Variants in SPATS2 observed in about 807,000 individuals in gnomAD.
The protein encoded by SPATS2 is spermatogenesis-associated serine-rich protein 2.
Under a neutral mutation model 63.7 loss-of-function variants are expected in SPATS2, and 38 were observed. The observed-to-expected ratio is 0.60, with a 90% CI of 0.46 to 0.78. The LOEUF is 0.78. Among genes scored for constraint, SPATS2 ranks in the 30% least tolerant of loss-of-function variants. The probability of loss-of-function intolerance (pLI) is 0.00; values close to 1 mark genes in which losing one functional copy is unlikely to be tolerated. For synonymous variants in SPATS2, 207 were observed against 232.9 expected (o/e 0.89, Z 1.01); for missense variants, 588 against 666.2 (o/e 0.88, Z 1.29).
chr12:49,520,782 T>C (rs1946928716), intron 11 of SPATS2, among the ~76,000 whole-genome samples: 1 of 151,872 alleles, frequency 6.6e-6, no homozygotes, highest in Non-Finnish European at 1.5e-5. Flanking sequence ...GCAGTGGCGC[T>C]GTCGCCACTC....
chr12:49,470,364 A>G (rs1010865131), intron 3 of SPATS2, among the ~76,000 whole-genome samples: 2 of 152,038 alleles, frequency 1.3e-5, no homozygotes, highest in Non-Finnish European at 2.9e-5. Flanking sequence ...ATTTTTTTCT[A>G]TGTGAAATAG....
In SPATS2 at chr12:49,526,775, T is replaced by C. The variant is rs985810916; in HGVS notation, c.*520T>C. On this transcript the variant is annotated 3_prime_UTR_variant, in exon 14 of 14. Transcript: ENST00000552918. ...TTGAGAACCTGCCTCTATCCCAGAA[T>C]GTGCTGGAGATTTGACACTCAAATC... 3 of 154,044 alleles carry C rather than the reference T, an allele frequency of 1.9e-5. No homozygotes were observed. The highest frequency in any genetic ancestry group is 6.4e-5 in the Admixed American group (1 of 15,510). 9.5% of individuals were successfully genotyped at this position (154,044 alleles called of 1,614,324 possible).
At chr12:49,467,596 G>T (rs939317322) in intron 3 of SPATS2, among the ~76,000 whole-genome samples, 1 of 152,134 alleles carries the variant, frequency 6.6e-6, no homozygotes, top group Non-Finnish European at 1.5e-5. Flanking sequence ...TCCTGATTTT[G>T]TCAGATGATA....
chr12:49,378,165 G>GT (rs1199773388), intron 2 of SPATS2, among the ~76,000 whole-genome samples: 1 of 151,974 alleles, frequency 6.6e-6, no homozygotes. Context: ...TAGAGATGGG[G>GT]TTTCACCATG....
rs760281633 is a variant in SPATS2, at chr12:49,418,108, G to GTTTTTTTT, written c.-243-42645_-243-42638dup. 2.9e-3 allele frequency among the ~76,000 whole-genome samples: 224 copies of GTTTTTTTT among 76,048 alleles called. 12 individuals are homozygous for GTTTTTTTT. The highest frequency in any genetic ancestry group is 0.028 in the Middle Eastern group (2 of 72). The allele number at this position is 76,048 out of a possible 152,430, so 49.9% of individuals were successfully genotyped here. On this transcript the variant is annotated intron_variant, in intron 2 of 13. Coordinates refer to ENST00000552918, the MANE Select transcript of SPATS2 (RefSeq NM_023071.4). ...TGTAGCTTTCATTTTAAATGACTCAGTTTTTTTTTTTTTTTTTTTTTTTTG... is the reference window on the plus strand; with the variant it reads ...TGTAGCTTTCATTTTAAATGACTCAGTTTTTTTTTTTTTTTTTTTTTTTTTTTTTTTTG...
At chr12:49,512,207 A>G (rs1387019367) in intron 9 of SPATS2, among the ~76,000 whole-genome samples, 1 of 152,228 alleles carries the variant, frequency 6.6e-6, no homozygotes, top group East Asian at 1.9e-4. Context: ...TCTCTGAGAA[A>G]TATATCAGCA....
chr12:49,456,924 T>C (rs183218356), intron 2 of SPATS2, among the ~76,000 whole-genome samples: 10 of 152,316 alleles, frequency 6.6e-5, no homozygotes, highest in Admixed American at 4.6e-4. Flanking sequence ...GTTTTCTCTG[T>C]TTTTTCTTCT....
chr12:49,452,660 C>T (rs1028929773), intron 2 of SPATS2, among the ~76,000 whole-genome samples: 35 of 152,158 alleles, frequency 2.3e-4, no homozygotes, highest in African/African-American at 7.9e-4. Context: ...TGATTTTTTT[C>T]TTCCACTCTA....
chr12:49,499,046 A>G (rs1378015447), intron 8 of SPATS2, among the ~76,000 whole-genome samples: 1 of 152,122 alleles, frequency 6.6e-6, no homozygotes, highest in Non-Finnish European at 1.5e-5. Flanking sequence ...TTGGCCTCCC[A>G]AAGTGCTGGG....
chr12:49,367,689 G>A (rs1246481522), intron 1 of SPATS2, 102 bp downstream of exon 1: 9 of 282,710 alleles, frequency 3.2e-5, no homozygotes, highest in Non-Finnish European at 3.9e-5. Context: ...GGGTAGTTGG[G>A]GGCGGGGGGA....
At chr12:49,371,053 A>C (rs917558151) in intron 1 of SPATS2, among the ~76,000 whole-genome samples, 175 bp from the exon 2 acceptor site, 2 of 152,234 alleles carry the variant, frequency 1.3e-5, no homozygotes, top group African/African-American at 4.8e-5. Context: ...TAAACTATAC[A>C]TAACAAAAAA....
rs969729742 is a variant in SPATS2 at position 49,480,354 on chromosome 12, G to C, written c.26-4236G>C. 3.9e-5 allele frequency among the ~76,000 whole-genome samples: 6 copies of C among 152,286 alleles called. No individual in the cohort carries two copies. The East Asian group carries it at 1.2e-3, about 29-fold the overall frequency. On this transcript the variant is annotated intron_variant, in intron 3 of 13. Coordinates refer to ENST00000552918, the MANE Select transcript of SPATS2 (RefSeq NM_023071.4). ...CCATACCTCTTTAGATAGCACCCAAGGTGGTAGAGCTTTTAATAATTTTCA... is the reference window on the plus strand; with the variant it reads ...CCATACCTCTTTAGATAGCACCCAACGTGGTAGAGCTTTTAATAATTTTCA...
At chr12:49,452,126 C>T (rs1450318976) in intron 2 of SPATS2, among the ~76,000 whole-genome samples, 1 of 152,048 alleles carries the variant, frequency 6.6e-6, no homozygotes, top group African/African-American at 2.4e-5. Flanking sequence ...ATTGAGCTTC[C>T]TGACTCTGTA....
chr12:49,465,006 T>C (rs1430043171), intron 3 of SPATS2, among the ~76,000 whole-genome samples: 1 of 152,252 alleles, frequency 6.6e-6, no homozygotes, highest in Admixed American at 6.5e-5. Flanking sequence ...TGGCTTCTTT[T>C]CACTTAGTGT....
At chr12:49,457,384 T>A (rs1565731597) in intron 2 of SPATS2, among the ~76,000 whole-genome samples, 1 of 152,184 alleles carries the variant, frequency 6.6e-6, no homozygotes, top group Non-Finnish European at 1.5e-5. Flanking sequence ...GGGACCTATC[T>A]GACCCACCCC....
At chr12:49,401,390 T>C (rs1347922137) in intron 2 of SPATS2, among the ~76,000 whole-genome samples, 1 of 152,208 alleles carries the variant, frequency 6.6e-6, no homozygotes, top group Non-Finnish European at 1.5e-5. Context: ...TTTTTAAACA[T>C]GTTATTCAGG....
At chr12:49,476,834 G>C (rs1317807254) in intron 3 of SPATS2, among the ~76,000 whole-genome samples, 2 of 152,184 alleles carry the variant, frequency 1.3e-5, no homozygotes, top group Non-Finnish European at 2.9e-5. Flanking sequence ...GGCTGGGCGC[G>C]GTGGCTCACG....
chr12:49,457,723 A>G (rs1945744750), intron 2 of SPATS2, among the ~76,000 whole-genome samples: 1 of 152,160 alleles, frequency 6.6e-6, no homozygotes, highest in African/African-American at 2.4e-5. Context: ...GTGAGCCACC[A>G]TGCCCGGCCT....
rs374574001 is a variant in SPATS2, at chr12:49,485,090, G to A, written c.105+421G>A. Among the ~76,000 whole-genome samples the A allele has an allele frequency of 6.4e-4, 94 of 145,950 alleles. 1 individual carries two copies. Among genetic ancestry groups the A allele is most frequent in the African/African-American group, 2.2e-3 (87 of 39,096 alleles). On this transcript the variant is annotated intron_variant, in intron 4 of 13. Transcript: ENST00000552918. The stretch of plus-strand genomic sequence containing the variant: ...GTCTTTTTTTTTTTTTTTTTGAGAC[G>A]GAGTCTCGCACTGTCACCCAGGCTG...
Sources: gnomAD v4.1 joint callset for allele counts (sites outside exome capture counted in the v4.1 genomes callset) on GRCh38, gnomAD v4.1.1 for gene constraint, MANE v1.5 for transcripts, NCBI Gene and HGNC (gene_info 2026-07-23, HGNC 2026-07-21) for gene names.